RFX7: variants seen among roughly 807,000 people sequenced by gnomAD.
RFX7 encodes the protein regulatory factor X7.
RFX7 carries 26 observed loss-of-function variants against 111.8 expected under a neutral mutation model. The ratio of observed to expected loss-of-function variants is 0.23; its 90% CI spans 0.17 to 0.32. RFX7 has a LOEUF of 0.32. Among genes scored for constraint, RFX7 ranks in the 10% least tolerant of loss-of-function variants. The probability of loss-of-function intolerance (pLI) is 1.00; values close to 1 mark genes in which losing one functional copy is unlikely to be tolerated. For synonymous variants in RFX7, 624 were observed against 624.4 expected, an observed-to-expected ratio of 1.00 and a Z score of 0.01; for missense variants, 1,573 against 1,772.9, an observed-to-expected ratio of 0.89 and a Z score of 2.02.
rs115451787 is a variant in RFX7 at position 56,132,646 on chromosome 15, T to C, written c.401+10132A>G. Among the ~76,000 whole-genome samples, 1,455 of 152,178 alleles carry C rather than the reference T, an allele frequency of 9.6e-3. 30 individuals carry two copies. Among genetic ancestry groups the C allele is most frequent in the African/African-American group, 0.033 (1,374 of 41,532 alleles). ...GGTGGCATGGAGTTTTTTCTAAGCA[T>C]AATAGTAATGTTACAAGCTGTGACA... On this transcript the variant is annotated intron_variant, in intron 5 of 9. Transcript: ENST00000559447.
intron 2 of RFX7, among the ~76,000 whole-genome samples, chr15:56,216,520 C>T (rs11071254): frequency 0.2 from 30,812 of 152,064 alleles, 3,525 homozygotes; most frequent in East Asian, 0.45. Context: ...TGATCTGTCA[C>T]TTCTGACCCC....
chr15:56,243,267 G>T lies in RFX7; in HGVS notation c.19C>A (p.Gln7Lys). The T allele has an allele frequency of 1.8e-6, 2 of 1,084,902 alleles. No individual in the cohort carries two copies. The highest frequency in any genetic ancestry group is 2.5e-6 in the Non-Finnish European group (2 of 812,748). The allele number at this position is 1,084,902 out of a possible 1,614,324, so 67.2% of individuals were successfully genotyped here. Residue 7 changes from glutamine to lysine, a missense_variant, in exon 2 of 10, where the codon CAG becomes AAG. Gln to Lys is a moderately conservative substitution (Grantham distance 53). Transcript: ENST00000559447. ...GCATCAGGCTGCTGTGGTGGCGGCT[G>T]TTGTTGTTCCTCTGCCATCGCTGCA... MAEEQQ[Q>K]PPPQQPDAHQ... is the part of the protein sequence containing the mutation.
intron 3 of RFX7, among the ~76,000 whole-genome samples, chr15:56,172,988 T>C (rs2042862105): frequency 6.6e-6 from 1 of 152,076 alleles, no homozygotes; most frequent in Non-Finnish European, 1.5e-5. Flanking sequence ...CATAGACTGT[T>C]AGACCTGAAA....
Position 56,089,496 on chromosome 15 carries a change from A to G in RFX7, c.*3849T>C, listed in dbSNP as rs771762263. 1 of 152,124 alleles carries G rather than the reference A, an allele frequency of 6.6e-6. No individual in the cohort carries two copies. The highest frequency in any genetic ancestry group is 2.4e-5 in the African/African-American group (1 of 41,420). The allele number at this position is 152,124 out of a possible 1,614,324, so 9.4% of individuals were successfully genotyped here. ...GGTTTAAGCCAGTGTTGGGTTTTCA[A>G]TTACTTGAAACCAAAATCACCTCAG... On this transcript the variant is annotated 3_prime_UTR_variant, in exon 10 of 10. Transcript: ENST00000559447.
At chr15:56,112,616 C>A (rs1349960122) in intron 5 of RFX7, among the ~76,000 whole-genome samples, 1 of 152,062 alleles carries the variant, frequency 6.6e-6, no homozygotes, top group Non-Finnish European at 1.5e-5. Context: ...ATGAAGAAAT[C>A]GCCACAAGCA....
intron 2 of RFX7, among the ~76,000 whole-genome samples, chr15:56,193,422 T>G (rs888472742): frequency 6.6e-6 from 1 of 152,220 alleles, no homozygotes; most frequent in African/African-American, 2.4e-5. Flanking sequence ...AATGACAATG[T>G]ATGCTCAACA....
intron 3 of RFX7, among the ~76,000 whole-genome samples, chr15:56,176,164 A>AT (rs1465609906): frequency 2.0e-5 from 3 of 152,210 alleles, no homozygotes; most frequent in African/African-American, 7.2e-5. Flanking sequence ...AAAAAAGTAA[A>AT]TAGAGCTTCA....
chr15:56,124,494 T>C (rs745835520), intron 5 of RFX7, among the ~76,000 whole-genome samples: 1 of 152,066 alleles, frequency 6.6e-6, no homozygotes, highest in Non-Finnish European at 1.5e-5. Context: ...AGTGTGTAAG[T>C]GTTCCCTTTT....
At chr15:56,195,673 T>G (rs1252019219) in intron 2 of RFX7, among the ~76,000 whole-genome samples, 2 of 152,170 alleles carry the variant, frequency 1.3e-5, no homozygotes, top group Non-Finnish European at 2.9e-5. Flanking sequence ...TATGGGTTTA[T>G]CAAATGCATT....
At position 56,201,986 on chromosome 15, in the gene RFX7, G is replaced by A. The variant is rs1002979499; in HGVS notation, c.162-22683C>T. On this transcript the variant is annotated intron_variant, in intron 2 of 9. Transcript: ENST00000559447. ...GCAGAGCTTGCAGTGAGCTGAGATCGCGTCACTGCACTCCAGCCTGGGCGA... is the reference window on the plus strand; with the variant it reads ...GCAGAGCTTGCAGTGAGCTGAGATCACGTCACTGCACTCCAGCCTGGGCGA... Among the ~76,000 whole-genome samples the A allele has an allele frequency of 3.3e-5, 5 of 152,086 alleles. No individual in the cohort carries two copies. In the East Asian group the frequency reaches 5.8e-4, roughly 18 times the overall value.
intron 2 of RFX7, among the ~76,000 whole-genome samples, chr15:56,223,813 T>G (rs1365853683): frequency 1.2e-4 from 19 of 152,194 alleles, no homozygotes; most frequent in Admixed American, 1.2e-3. Context: ...GTTTTGTTTT[T>G]TCCCCCATTT....
chr15:56,109,561 G>A (rs1270706887), intron 5 of RFX7, among the ~76,000 whole-genome samples: 2 of 151,804 alleles, frequency 1.3e-5, no homozygotes, highest in Admixed American at 1.3e-4. Context: ...GGAAAGTGAG[G>A]AGCGTCTCTG....
chr15:56,242,376 T>G (rs2043704889), intron 2 of RFX7, among the ~76,000 whole-genome samples: 1 of 152,080 alleles, frequency 6.6e-6, no homozygotes, highest in Non-Finnish European at 1.5e-5. Context: ...ACTTTAGGAG[T>G]TTAATGCTGA....
At chr15:56,210,685 A>G (rs1178148497) in intron 2 of RFX7, among the ~76,000 whole-genome samples, 1 of 152,154 alleles carries the variant, frequency 6.6e-6, no homozygotes, top group Admixed American at 6.6e-5. Context: ...AAATTAAACA[A>G]TGCACTTCTA....
intron 4 of RFX7, among the ~76,000 whole-genome samples, chr15:56,143,676 T>C: frequency 6.6e-6 from 1 of 152,096 alleles, no homozygotes; most frequent in East Asian, 1.9e-4. Flanking sequence ...AAGAAAACAC[T>C]GAGCAAGTGT....
In RFX7 at chr15:56,139,694, G is replaced by C. The variant is rs2042360440; in HGVS notation, c.401+3084C>G. ...TCCTTTGGAGGAGGAGAGGCGCTCTGGTTTTTAGAGTTTCCAGTTTTTCTG... is the reference window on the plus strand; with the variant it reads ...TCCTTTGGAGGAGGAGAGGCGCTCTCGTTTTTAGAGTTTCCAGTTTTTCTG... On this transcript the variant is annotated intron_variant, in intron 5 of 9. Transcript: ENST00000559447. Among the ~76,000 whole-genome samples the C allele has an allele frequency of 2.0e-5, 3 of 152,204 alleles. No homozygotes were observed. The South Asian group carries it at 6.2e-4, about 32-fold the overall frequency.
chr15:56,179,761 AACACACACACACACACACACACACACAC>A (rs58597217), intron 2 of RFX7, among the ~76,000 whole-genome samples: 2 of 137,402 alleles, frequency 1.5e-5, no homozygotes, highest in East Asian at 2.1e-4. Flanking sequence ...TCTCTGTCTC[AACACACACACACACACACACACACACAC>A]ACACACACAC....
At position 56,098,248 on chromosome 15, in the gene RFX7, T is replaced by G. The variant is rs777433226; in HGVS notation, c.940A>C (p.Lys314Gln). The G allele has an allele frequency of 3.1e-5, 50 of 1,613,870 alleles. No homozygotes were observed. Among genetic ancestry groups the G allele is most frequent in the East Asian group, 6.7e-5 (3 of 44,892 alleles). Residue 314 changes from lysine (K) to glutamine (Q), a missense_variant, in exon 9 of 10, where the codon AAG becomes CAG. By Grantham distance (53) the Lys-to-Gln change is moderately conservative (BLOSUM62 1). Coordinates refer to ENST00000559447, the MANE Select transcript of RFX7 (RefSeq NM_022841.7). ...KQQLQRKIQK[K>Q]QQEQKLQSPL... ...GATTGTAGTTTCTGTTCTTGCTGCTTCTTCTGGATTTTCCGTTGCAACTGC... is the reference window on the plus strand; with the variant it reads ...GATTGTAGTTTCTGTTCTTGCTGCTGCTTCTGGATTTTCCGTTGCAACTGC...
In RFX7 at chr15:56,142,853, A is replaced by G; in HGVS notation, c.326T>C (p.Phe109Ser). ...SSSRAQQMHA[F>S]SWIRNTLEEH... is the part of the protein sequence containing the mutation. Reference sequence around the variant, plus strand: ...CTCTAGGGTATTCCGAATCCAGGAAAAGGCATGCATTTGTTGTGCCCGACT... The same window carrying G: ...CTCTAGGGTATTCCGAATCCAGGAAGAGGCATGCATTTGTTGTGCCCGACT... The change falls in exon 5 of 10, where the codon TTT (phenylalanine) becomes TCT (serine). Residue 109 changes from phenylalanine (F) to serine (S), a missense_variant. By Grantham distance (155) the Phe-to-Ser change is radical. Transcript: ENST00000559447. 2 of 1,613,670 alleles carry G rather than the reference A, an allele frequency of 1.2e-6. No individual in the cohort carries two copies. The highest frequency in any genetic ancestry group is 1.7e-6 in the Non-Finnish European group (2 of 1,179,738).
Sources: allele counts gnomAD v4.1 joint callset (sites outside exome capture counted in the v4.1 genomes callset), GRCh38; gene constraint gnomAD v4.1.1; transcripts MANE v1.5; gene names NCBI Gene and HGNC (gene_info 2026-07-23, HGNC 2026-07-21).